Variants in GNPDA2 observed in about 807,000 individuals in gnomAD.
GNPDA2 encodes glcN6P deaminase 2.
A neutral mutation model predicts 27.0 loss-of-function variants in GNPDA2; 24 were observed. That is an observed-to-expected ratio of 0.89 (90% CI 0.64 to 1.25). The LOEUF (loss-of-function observed/expected upper bound fraction) is 1.25. Ranked by LOEUF, GNPDA2 falls within the 50% of genes most tolerant of loss-of-function variation. The pLI, the probability that GNPDA2 is intolerant of heterozygous loss-of-function variation, is 0.00. For missense variants in GNPDA2, 286 were observed against 335.1 expected, an observed-to-expected ratio of 0.85 and a Z score of 1.14; for synonymous variants, 94 against 108.4, an observed-to-expected ratio of 0.87 and a Z score of 0.83.
chr4:44,708,480 TAA>T (rs1345745943), intron 5 of GNPDA2, among the ~76,000 whole-genome samples: 1 of 151,768 alleles, frequency 6.6e-6, no homozygotes, highest in Non-Finnish European at 1.5e-5. Context: ...GGGATCTACT[TAA>T]ACATAGGAAC....
chr4:44,707,491 A>T (rs1006617328), intron 6 of GNPDA2: 5 of 436,460 alleles, frequency 1.1e-5, no homozygotes, highest in Admixed American at 4.0e-5. Flanking sequence ...TATGAAAGTA[A>T]ATTATTAAAC....
In GNPDA2 at chr4:44,718,366, T is replaced by G; in HGVS notation, c.169A>C (p.Lys57Gln). The change falls in exon 3 of 7, where the codon AAG becomes CAG. Residue 57 changes from lysine to glutamine, a missense_variant. Physicochemically the swap from Lys to Gln is moderately conservative, Grantham distance 53 (BLOSUM62 1). Coordinates refer to ENST00000295448, the MANE Select transcript of GNPDA2 (RefSeq NM_138335.3). ...GCYKKLIEYHKNGHLSFKYVK... is the reference protein window; with the variant it reads ...GCYKKLIEYHQNGHLSFKYVK... Reference sequence around the variant, plus strand: ...TATTTAAAAGAAAGGTGTCCATTCTTATGATATTCTATTAGTTTTTTATAG... The same window carrying G: ...TATTTAAAAGAAAGGTGTCCATTCTGATGATATTCTATTAGTTTTTTATAG... The G allele has an allele frequency of 1.5e-6, 2 of 1,377,784 alleles. No individual in the cohort carries two copies. Among genetic ancestry groups the G allele is most frequent in the Non-Finnish European group, 2.0e-6 (2 of 1,003,926 alleles). The allele number at this position is 1,377,784 out of a possible 1,614,324, so 85.3% of individuals were successfully genotyped here.
At chr4:44,708,412 C>T (rs1716749451) in intron 5 of GNPDA2, among the ~76,000 whole-genome samples, 1 of 152,062 alleles carries the variant, frequency 6.6e-6, no homozygotes, top group Non-Finnish European at 1.5e-5. Flanking sequence ...GAGCATTTCA[C>T]TGAACATGTG....
chr4:44,702,971 G>A lies in GNPDA2; in HGVS notation c.*110C>T, dbSNP rs1716365130. 1 of 1,546,898 alleles carries A rather than the reference G, an allele frequency of 6.5e-7. No homozygotes were observed. Among genetic ancestry groups the A allele is most frequent in the East Asian group, 2.3e-5 (1 of 43,210 alleles). On this transcript the variant is annotated 3_prime_UTR_variant, in exon 7 of 7. Coordinates refer to ENST00000295448, the MANE Select transcript of GNPDA2 (RefSeq NM_138335.3). ...AACATAGAGACTCGAATGAAAAAATGACAATCTTCAAAATTCCCCATGTTT... is the reference window on the plus strand; with the variant it reads ...AACATAGAGACTCGAATGAAAAAATAACAATCTTCAAAATTCCCCATGTTT...
Position 44,702,372 on chromosome 4 carries a change from G to A in GNPDA2, c.*709C>T, listed in dbSNP as rs920425830. 3.2e-6 allele frequency: 3 copies of A among 934,710 alleles called. No individual in the cohort carries two copies. The South Asian group carries it at 1.5e-4, about 46-fold the overall frequency. The allele number at this position is 934,710 out of a possible 1,614,324, so 57.9% of individuals were successfully genotyped here. On this transcript the variant is annotated 3_prime_UTR_variant, in exon 7 of 7. Transcript: ENST00000295448. The stretch of plus-strand genomic sequence containing the variant: ...CCTGAAGTGGCTTGCTAGGTATAAA[G>A]CTCATAATTGTCAAGATACTTATAT...
chr4:44,716,982 C>A, intron 4 of GNPDA2, 131 bp downstream of exon 4: 1 of 544,468 alleles, frequency 1.8e-6, no homozygotes, highest in South Asian at 2.8e-5. Flanking sequence ...GAATCAGTAG[C>A]AGAATAAACG....
At chr4:44,709,288 A>G (rs534506074) in intron 5 of GNPDA2, among the ~76,000 whole-genome samples, 2 of 152,270 alleles carry the variant, frequency 1.3e-5, no homozygotes, top group East Asian at 3.9e-4. Context: ...AGAATTCATT[A>G]TTGGTGTTTA....
intron 2 of GNPDA2, 34 bp downstream of exon 2, chr4:44,722,050 A>G: frequency 6.8e-7 from 1 of 1,462,746 alleles, no homozygotes; most frequent in Non-Finnish European, 9.5e-7. Context: ...TTTAGATAAT[A>G]TCAGAATATA....
chr4:44,704,819 T>C (rs1716487505), intron 6 of GNPDA2: 3 of 982,676 alleles, frequency 3.1e-6, no homozygotes, highest in African/African-American at 3.5e-5. Context: ...CATTCTACCT[T>C]TGTCAAACTA....
At position 44,702,634 on chromosome 4, in the gene GNPDA2, G is replaced by T; in HGVS notation, c.*447C>A. ...CAACCACGTGCAGAAAAGCATGTGT[G>T]TGATGCACAGAAAATATAAAGATTG... On this transcript the variant is annotated 3_prime_UTR_variant, in exon 7 of 7. Transcript: ENST00000295448. 9.9e-7 allele frequency: 1 copy of T among 1,012,818 alleles called. No homozygotes were observed. The highest frequency in any genetic ancestry group is 1.2e-6 in the Non-Finnish European group (1 of 848,882). 62.7% of individuals were successfully genotyped at this position (1,012,818 alleles called of 1,614,324 possible).
At chr4:44,709,691 T>G (rs1318908588) in intron 5 of GNPDA2, among the ~76,000 whole-genome samples, 4 of 152,014 alleles carry the variant, frequency 2.6e-5, no homozygotes, top group African/African-American at 9.7e-5. Context: ...ATCTATAAGC[T>G]CATATTAAAT....
chr4:44,714,163 C>T (rs1220923001), intron 4 of GNPDA2: 5 of 219,242 alleles, frequency 2.3e-5, no homozygotes, highest in African/African-American at 4.7e-5. Context: ...TTAGTAGAGA[C>T]GGGGTTTCTC....
At position 44,703,299 on chromosome 4, in the gene GNPDA2, T is replaced by A. The variant is rs1716386986; in HGVS notation, c.770-157A>T. The A allele has an allele frequency of 4.3e-6, 6 of 1,393,430 alleles. No individual in the cohort carries two copies. The Admixed American group carries it at 2.0e-4, about 46-fold the overall frequency. 86.3% of individuals were successfully genotyped at this position (1,393,430 alleles called of 1,614,324 possible). A position where few individuals can be genotyped will look rare whatever the true frequency, so the allele number is the denominator to read the frequency against. On this transcript the variant is annotated intron_variant, in intron 6 of 6. Coordinates refer to ENST00000295448, the MANE Select transcript of GNPDA2 (RefSeq NM_138335.3). ...TTGAAAAAGTACAAATAGAAATGTT[T>A]CAGAATGTCTTAAGTTTTATCTACC...
At chr4:44,717,081 C>G in intron 4 of GNPDA2, 32 bp downstream of exon 4, 1 of 1,481,108 alleles carries the variant, frequency 6.8e-7, no homozygotes, top group Non-Finnish European at 9.3e-7. Context: ...CAAACACTAA[C>G]AAACAGTTAA....
chr4:44,709,749 T>C (rs1716852436), intron 5 of GNPDA2, among the ~76,000 whole-genome samples: 1 of 151,968 alleles, frequency 6.6e-6, no homozygotes, highest in African/African-American at 2.4e-5. Context: ...AATGTAATTT[T>C]TAATAAATGA....
chr4:44,711,268 T>C, intron 4 of GNPDA2, 131 bp from the exon 5 acceptor site: 1 of 509,696 alleles, frequency 2.0e-6, no homozygotes, highest in Non-Finnish European at 3.2e-6. Flanking sequence ...TGCATTAAAA[T>C]ATTTGTTTCT....
chr4:44,711,179 A>G, intron 4 of GNPDA2, 42 bp from the exon 5 acceptor site: 4 of 1,293,394 alleles, frequency 3.1e-6, no homozygotes, highest in Non-Finnish European at 4.1e-6. Flanking sequence ...TGAAGTAAAT[A>G]GGTTTCACAA....
In GNPDA2 at chr4:44,710,120, T is replaced by C. The variant is rs538872035; in HGVS notation, c.594+833A>G. 1.4e-4 allele frequency among the ~76,000 whole-genome samples: 21 copies of C among 152,332 alleles called. No individual in the cohort carries two copies. The South Asian group carries it at 3.5e-3, about 26-fold the overall frequency. Reference sequence around the variant, plus strand: ...GCTCTAAAATCCTTTTTTCAACTTATTGACTATGAAGTTTCAGTCCTTGAA... The same window carrying C: ...GCTCTAAAATCCTTTTTTCAACTTACTGACTATGAAGTTTCAGTCCTTGAA... On this transcript the variant is annotated intron_variant, in intron 5 of 6. Coordinates refer to ENST00000295448, the MANE Select transcript of GNPDA2 (RefSeq NM_138335.3).
intron 2 of GNPDA2, among the ~76,000 whole-genome samples, chr4:44,720,278 A>G (rs1205141934): frequency 2.0e-5 from 3 of 152,180 alleles, no homozygotes; most frequent in Admixed American, 2.0e-4. Context: ...TAACTGGGTC[A>G]AAAAGATTAA....
Sources: allele counts gnomAD v4.1 joint callset (sites outside exome capture counted in the v4.1 genomes callset), GRCh38; gene constraint gnomAD v4.1.1; transcripts MANE v1.5; gene names NCBI Gene and HGNC (gene_info 2026-07-23, HGNC 2026-07-21).